Variants in PREX1 observed in about 807,000 individuals in gnomAD.
The protein encoded by PREX1 is phosphatidylinositol 3,4,5-trisphosphate-dependent Rac exchanger 1 protein.
A neutral mutation model predicts 198.3 loss-of-function variants in PREX1; 41 were observed. That is an observed-to-expected ratio of 0.21 (90% CI 0.16 to 0.27). PREX1 has a LOEUF of 0.27. Ranked by LOEUF, PREX1 falls within the 10% of genes least tolerant of loss-of-function variation. The pLI is 1.00. For missense variants in PREX1, 1,620 were observed against 2,200.7 expected (o/e 0.74, Z 5.28); for synonymous variants, 843 against 887.2 (o/e 0.95, Z 0.89).
intron 1 of PREX1, among the ~76,000 whole-genome samples, chr20:48,802,304 C>T (rs949672744): frequency 2.0e-5 from 3 of 152,142 alleles, no homozygotes; most frequent in African/African-American, 4.8e-5. Flanking sequence ...CAAGACCCTG[C>T]CCAATGCAGC....
chr20:48,754,495 GGAGGATAAATCTCTCCCTGGA>G (rs1462451741), intron 1 of PREX1, among the ~76,000 whole-genome samples: 1 of 152,074 alleles, frequency 6.6e-6, no homozygotes, highest in Non-Finnish European at 1.5e-5. Flanking sequence ...TGTTGCCTGG[GGAGGATAAATCTCTCCCTGGA>G]GATAAAAAGG....
At chr20:48,861,433 G>A in the PREX1 span, among the ~76,000 whole-genome samples, 8 of 152,192 alleles carry the variant, frequency 5.3e-5, no homozygotes, top group African/African-American at 1.7e-4. Context: ...CCACCCGGGG[G>A]CTATGTTTTT....
At chr20:48,776,115 C>T (rs1404447398) in intron 1 of PREX1, among the ~76,000 whole-genome samples, 1 of 152,068 alleles carries the variant, frequency 6.6e-6, no homozygotes, top group African/African-American at 2.4e-5. Context: ...GGTAGAGGAC[C>T]CCAAGGCCCA....
intron 1 of PREX1, among the ~76,000 whole-genome samples, chr20:48,789,844 G>T (rs2090329991): frequency 6.6e-6 from 1 of 152,020 alleles, no homozygotes; most frequent in Non-Finnish European, 1.5e-5. Flanking sequence ...ATGACAAATG[G>T]ATGGACAGAT....
chr20:48,792,853 C>CACACACACACAT (rs1256864071), intron 1 of PREX1, among the ~76,000 whole-genome samples: 3,819 of 145,104 alleles, frequency 0.026, 79 homozygotes, highest in Non-Finnish European at 0.031. Flanking sequence ...CACACACACA[C>CACACACACACAT]ATAGTATGAT....
At chr20:48,655,243 C>T in intron 19 of PREX1, 47 bp downstream of exon 19, 15 of 1,471,068 alleles carry the variant, frequency 1.0e-5, no homozygotes, top group Non-Finnish European at 1.3e-5. Context: ...ACAGACAGAT[C>T]CACCATCTTC....
At chr20:48,718,625 T>C (rs1437137872) in intron 5 of PREX1, among the ~76,000 whole-genome samples, 1 of 152,162 alleles carries the variant, frequency 6.6e-6, no homozygotes, top group African/African-American at 2.4e-5. Context: ...TTGAACTCTA[T>C]GGAGTTAACA....
chr20:48,879,178 G>A, the PREX1 span, among the ~76,000 whole-genome samples: 1 of 152,182 alleles, frequency 6.6e-6, no homozygotes, highest in Non-Finnish European at 1.5e-5. Context: ...CTGCTATTGC[G>A]AGGATTAAAT....
chr20:48,778,207 A>C (rs2090272031), intron 1 of PREX1, among the ~76,000 whole-genome samples: 1 of 152,228 alleles, frequency 6.6e-6, no homozygotes, highest in Admixed American at 6.5e-5. Context: ...GTTCATGGTA[A>C]GGCAAAGAAA....
chr20:48,821,706 A>C (rs1270577030), intron 1 of PREX1: 5 of 152,214 alleles, frequency 3.3e-5, no homozygotes, highest in Non-Finnish European at 7.3e-5. Context: ...GGGTTTCTTT[A>C]TTAAAGGGAG....
At chr20:48,729,698 A>G (rs149922538) in intron 4 of PREX1, among the ~76,000 whole-genome samples, 3 of 152,244 alleles carry the variant, frequency 2.0e-5, no homozygotes, top group Non-Finnish European at 2.9e-5. Flanking sequence ...CTCATGCTCT[A>G]TGTGAATCCA....
chr20:48,802,169 CA>C (rs1253141780), intron 1 of PREX1, among the ~76,000 whole-genome samples: 1 of 151,960 alleles, frequency 6.6e-6, no homozygotes, highest in Admixed American at 6.6e-5. Context: ...CTACTTTCTT[CA>C]CGGTAGCCAG....
At position 48,664,518 on chromosome 20, in the gene PREX1, G is replaced by T. The variant is rs572096483; in HGVS notation, c.1738+1765C>A. Among the ~76,000 whole-genome samples, 217 of 152,348 alleles carry T rather than the reference G, an allele frequency of 1.4e-3. 1 individual carries two copies. Among genetic ancestry groups the T allele is most frequent in the South Asian group, 6.8e-3 (33 of 4,824 alleles). ...TGAGTTACCTGCAGGGATGAGGCAG[G>T]CAGGGCACCCTGGCAAGGGAAACTG... On this transcript the variant is annotated intron_variant, in intron 15 of 39. Transcript: ENST00000371941.
Position 48,649,587 on chromosome 20 carries a change from G to C in PREX1, c.3029-11C>G, listed in dbSNP as rs777661677. ...TGGGGTTCAGGTGGCCTGCAGTGGA[G>C]GAAGAGAGAGCTCACTGGAAAACAG... On this transcript the variant is annotated splice_polypyrimidine_tract_variant and intron_variant, in intron 24 of 39. Transcript: ENST00000371941. 7 of 1,569,230 alleles carry C rather than the reference G, an allele frequency of 4.5e-6. No homozygotes were observed. In the African/African-American group the frequency reaches 9.5e-5, roughly 21 times the overall value.
chr20:48,654,837 C>A (rs113102812), intron 19 of PREX1, among the ~76,000 whole-genome samples: 2 of 152,236 alleles, frequency 1.3e-5, no homozygotes, highest in Non-Finnish European at 2.9e-5. Context: ...TAATAGCACA[C>A]AAGGAATAGG....
the PREX1 span, among the ~76,000 whole-genome samples, chr20:48,833,622 A>G: frequency 6.6e-6 from 1 of 151,840 alleles, no homozygotes; most frequent in Non-Finnish European, 1.5e-5. Context: ...TTGTGTTTTT[A>G]GTAGAGACAA....
chr20:48,686,054 G>T (rs901093366), intron 10 of PREX1, among the ~76,000 whole-genome samples: 1 of 152,164 alleles, frequency 6.6e-6, no homozygotes, highest in Non-Finnish European at 1.5e-5. Flanking sequence ...CACCAGTGTC[G>T]CTTTGTGATC....
Position 48,779,968 on chromosome 20 carries a change from A to G in PREX1, c.220-32088T>C, listed in dbSNP as rs112816506. Among the ~76,000 whole-genome samples the G allele has an allele frequency of 7.3e-3, 1,111 of 152,296 alleles. 11 individuals are homozygous for G. The highest frequency in any genetic ancestry group is 0.025 in the African/African-American group (1,039 of 41,548). On this transcript the variant is annotated intron_variant, in intron 1 of 39. Transcript: ENST00000371941. ...ACTCTACATATGTGTTAAAATTCAT[A>G]AAACTCTAAACCCCCAAAAAGTCAT...
chr20:48,673,504 G>A (rs1273908670), intron 14 of PREX1, among the ~76,000 whole-genome samples: 2 of 152,178 alleles, frequency 1.3e-5, no homozygotes, highest in East Asian at 1.9e-4. Context: ...CACTGAAGGA[G>A]CTTGGGAAAT....
Sources: gnomAD v4.1 joint callset for allele counts (sites outside exome capture counted in the v4.1 genomes callset) on GRCh38, gnomAD v4.1.1 for gene constraint, MANE v1.5 for transcripts, NCBI Gene and HGNC (gene_info 2026-07-23, HGNC 2026-07-21) for gene names.